Variants in IWS1 observed in about 807,000 individuals in gnomAD.
IWS1 encodes protein IWS1 homolog.
IWS1 carries 27 observed loss-of-function variants against 86.7 expected under a neutral mutation model. The observed-to-expected ratio is 0.31, with a 90% CI of 0.23 to 0.43. The LOEUF is 0.43. Ranked by LOEUF, IWS1 falls within the 20% of genes least tolerant of loss-of-function variation. The probability of loss-of-function intolerance (pLI) is 1.00; values close to 1 mark genes in which losing one functional copy is unlikely to be tolerated. For missense variants in IWS1, 827 were observed against 1,000.8 expected (o/e 0.83, Z 2.34); for synonymous variants, 313 against 335.1 (o/e 0.93, Z 0.72).
chr2:127,483,388 C>G (rs1356302110), intron 13 of IWS1, among the ~76,000 whole-genome samples: 1 of 151,422 alleles, frequency 6.6e-6, no homozygotes. Flanking sequence ...GCTGGGAGGT[C>G]AAGGCCAGAG....
chr2:127,506,435 G>A (rs1244257673), intron 2 of IWS1, among the ~76,000 whole-genome samples: 1 of 152,058 alleles, frequency 6.6e-6, no homozygotes, highest in Non-Finnish European at 1.5e-5. Context: ...ATGTAACCAA[G>A]TTCTTTTACA....
chr2:127,501,412 T>C (rs1253244325), intron 5 of IWS1, among the ~76,000 whole-genome samples: 2 of 152,190 alleles, frequency 1.3e-5, no homozygotes, highest in Non-Finnish European at 2.9e-5. Flanking sequence ...TGTAGTTAGG[T>C]GTAGATTTCT....
At position 127,496,167 on chromosome 2, in the gene IWS1, G is replaced by A. The variant is rs1483849610; in HGVS notation, c.1566-19C>T. ...GTCCATACTAAAGCAGTAAACAAAA[G>A]CAAGTGAAATACAAGTTGTCTTTTA... On this transcript the variant is annotated intron_variant, in intron 6 of 13. Coordinates refer to ENST00000295321, the MANE Select transcript of IWS1 (RefSeq NM_017969.3). 4.4e-6 allele frequency: 7 copies of A among 1,595,120 alleles called. No individual in the cohort carries two copies. The highest frequency in any genetic ancestry group is 6.0e-6 in the Non-Finnish European group (7 of 1,173,644).
In IWS1 at chr2:127,501,126, C is replaced by T. The variant is rs76552474; in HGVS notation, c.1467+1689G>A. Reference sequence around the variant, plus strand: ...CTTTTCTCCCTCCTGCATCTCTAACCTTCCATCTGAGATCATTCTTTCTTG... The same window carrying T: ...CTTTTCTCCCTCCTGCATCTCTAACTTTCCATCTGAGATCATTCTTTCTTG... On this transcript the variant is annotated intron_variant, in intron 5 of 13. Transcript: ENST00000295321. Among the ~76,000 whole-genome samples the T allele has an allele frequency of 9.5e-3, 1,447 of 152,292 alleles. 15 individuals carry two copies. Among genetic ancestry groups the T allele is most frequent in the African/African-American group, 0.033 (1,372 of 41,564 alleles).
intron 9 of IWS1, among the ~76,000 whole-genome samples, chr2:127,492,511 A>G (rs1573513689): frequency 6.6e-6 from 1 of 150,486 alleles, no homozygotes; most frequent in Non-Finnish European, 1.5e-5. Flanking sequence ...GTGCCACTGC[A>G]CTCCAGCCTG....
intron 2 of IWS1, among the ~76,000 whole-genome samples, chr2:127,519,709 A>G (rs1691982001): frequency 6.6e-6 from 1 of 152,176 alleles, no homozygotes; most frequent in Non-Finnish European, 1.5e-5. Flanking sequence ...CATGCAAGGG[A>G]CTGTGCAAAT....
At chr2:127,509,466 T>G (rs962438277) in intron 2 of IWS1, among the ~76,000 whole-genome samples, 1 of 152,146 alleles carries the variant, frequency 6.6e-6, no homozygotes, top group Non-Finnish European at 1.5e-5. Context: ...CCCAGCACTT[T>G]GGGAGGCCGA....
intron 3 of IWS1, among the ~76,000 whole-genome samples, chr2:127,504,218 AT>A (rs1690978607): frequency 6.6e-6 from 1 of 152,226 alleles, no homozygotes; most frequent in South Asian, 2.1e-4. Flanking sequence ...TCTAAATAGA[AT>A]CCTCTCAAAG....
At position 127,486,722 on chromosome 2, in the gene IWS1, T is replaced by C. The variant is rs2105023761; in HGVS notation, c.2217-58A>G. The C allele has an allele frequency of 3.0e-6, 4 of 1,315,300 alleles. No homozygotes were observed. The South Asian group carries it at 3.6e-5, about 12-fold the overall frequency. The allele number at this position is 1,315,300 out of a possible 1,614,324, so 81.5% of individuals were successfully genotyped here. The stretch of plus-strand genomic sequence containing the variant: ...ATGTGGCCAGCCACAGTGGGGCACA[T>C]AGGCCATTTCACACTCCTGTTCCTA... On this transcript the variant is annotated intron_variant, in intron 12 of 13. Coordinates refer to ENST00000295321, the MANE Select transcript of IWS1 (RefSeq NM_017969.3).
chr2:127,487,970 A>T (rs985431463), intron 12 of IWS1: 3 of 152,362 alleles, frequency 2.0e-5, no homozygotes, highest in African/African-American at 7.2e-5. Context: ...CTTCCTAAAC[A>T]AACTTTTCCT....
At chr2:127,493,701 T>G (rs1690354660) in intron 8 of IWS1, among the ~76,000 whole-genome samples, 1 of 151,182 alleles carries the variant, frequency 6.6e-6, no homozygotes, top group Non-Finnish European at 1.5e-5. Context: ...AACAATTAAC[T>G]CCAATCTTTT....
At position 127,502,830 on chromosome 2, in the gene IWS1, C is replaced by A. The variant is rs765434753; in HGVS notation, c.1452G>T (p.Glu484Asp). The A allele has an allele frequency of 7.1e-6, 11 of 1,545,214 alleles. No individual in the cohort carries two copies. The Admixed American group carries it at 1.9e-4, about 26-fold the overall frequency. ...ADIFGESGDE[E>D]EEEFTGFNQE... ...TTATACTTACTGTAAATTCTTCTTCCTCTTCATCACCAGATTCTCCAAATA... is the reference window on the plus strand; with the variant it reads ...TTATACTTACTGTAAATTCTTCTTCATCTTCATCACCAGATTCTCCAAATA... Residue 484 changes from glutamate to aspartate, a missense_variant, in exon 5 of 14, where the codon GAG becomes GAT. By Grantham distance (45) the Glu-to-Asp change is conservative (BLOSUM62 2). Coordinates refer to ENST00000295321, the MANE Select transcript of IWS1 (RefSeq NM_017969.3).
chr2:127,521,675 GA>G lies in IWS1; in HGVS notation c.150+2000del, dbSNP rs766890324. Among the ~76,000 whole-genome samples the G allele has an allele frequency of 1.4e-4, 22 of 152,236 alleles. No individual in the cohort carries two copies. The East Asian group carries it at 1.7e-3, about 12-fold the overall frequency. ...TCTCATGTAATTTACTGAATACAGT[GA>G]AAAAACAGAACGGTTGTATGGGTAC... is the stretch of plus-strand genomic sequence containing the variant. On this transcript the variant is annotated intron_variant, in intron 2 of 13. Transcript: ENST00000295321.
chr2:127,491,996 G>A lies in IWS1; in HGVS notation c.2022C>T (p.Asn674=), dbSNP rs183161151. The A allele has an allele frequency of 1.9e-5, 31 of 1,612,000 alleles. No homozygotes were observed. In the Admixed American group the frequency reaches 5.2e-4, roughly 27 times the overall value. ...LYKHPKESRS[N]KDMAGKLINE... ...TGATTAATTTCCCTGCCATGTCCTT[G>A]TTAGACCTTGACTCCTTGGGGTGTT... The change falls in exon 10 of 14, where the codon AAC becomes AAT. Residue 674 remains asparagine, a synonymous_variant. Coordinates refer to ENST00000295321, the MANE Select transcript of IWS1 (RefSeq NM_017969.3).
At position 127,504,965 on chromosome 2, in the gene IWS1, C is replaced by A; in HGVS notation, c.938G>T (p.Ser313Ile). ...ESEGPQKGPASDSETEDASRH... is the reference protein window; with the variant it reads ...ESEGPQKGPAIDSETEDASRH... ...GGACGCATCCTCAGTTTCTGAGTCA[C>A]TGGCAGGCCCCTTCTGAGGCCCCTC... The change falls in exon 3 of 14, where the codon AGT becomes ATT. Residue 313 changes from serine (S) to isoleucine (I), a missense_variant. Ser to Ile is a moderately radical substitution (Grantham distance 142). This residue lies in a region of IWS1 where 548 missense variants were observed against 560.2 expected (regional missense o/e 0.98). Coordinates refer to ENST00000295321, the MANE Select transcript of IWS1 (RefSeq NM_017969.3). 1 of 1,614,188 alleles carries A rather than the reference C, an allele frequency of 6.2e-7. No individual in the cohort carries two copies. Among genetic ancestry groups the A allele is most frequent in the South Asian group, 1.1e-5 (1 of 91,080 alleles).
In IWS1 at chr2:127,505,862, C is replaced by T. The variant is rs1299374418; in HGVS notation, c.151-110G>A. 2 of 703,136 alleles carry T rather than the reference C, an allele frequency of 2.8e-6. No homozygotes were observed. Among genetic ancestry groups the T allele is most frequent in the South Asian group, 4.3e-5 (2 of 46,234 alleles). The allele number at this position is 703,136 out of a possible 1,614,324, so 43.6% of individuals were successfully genotyped here. A position where few individuals can be genotyped will look rare whatever the true frequency, so the allele number is the denominator to read the frequency against. ...TTTTTAAAATACAGGATTATGTGCA[C>T]CTAAATGGAGAATTCTTGTCCTATA... is the stretch of plus-strand genomic sequence containing the variant. On this transcript the variant is annotated intron_variant, in intron 2 of 13. Coordinates refer to ENST00000295321, the MANE Select transcript of IWS1 (RefSeq NM_017969.3). This position sits in a 1 kb window ranked among gnomAD's most constrained non-coding sequence, Gnocchi z 5.0.
chr2:127,515,709 G>T (rs1245279111), intron 2 of IWS1, among the ~76,000 whole-genome samples: 1 of 152,178 alleles, frequency 6.6e-6, no homozygotes, highest in Non-Finnish European at 1.5e-5. Flanking sequence ...GGCAAATGAA[G>T]AAACGCCTAC....
intron 2 of IWS1, among the ~76,000 whole-genome samples, chr2:127,521,645 G>A (rs1692101249): frequency 6.6e-6 from 1 of 152,196 alleles, no homozygotes; most frequent in South Asian, 2.1e-4. Context: ...ATAGAATGTT[G>A]AGTATCTCAT....
chr2:127,482,598 C>T lies in IWS1; in HGVS notation c.2329-1423G>A, dbSNP rs114303242. 1,205 of 152,586 alleles carry T rather than the reference C, an allele frequency of 7.9e-3. 8 individuals are homozygous for T. Among genetic ancestry groups the T allele is most frequent in the Admixed American group, 0.015 (222 of 15,296 alleles). 9.5% of individuals were successfully genotyped at this position (152,586 alleles called of 1,614,324 possible). Reference sequence around the variant, plus strand: ...CAAATCTCTGCCAACTACACAATTCCCAGCAGCTTCACACATTAACTGGAC... The same window carrying T: ...CAAATCTCTGCCAACTACACAATTCTCAGCAGCTTCACACATTAACTGGAC... On this transcript the variant is annotated intron_variant, in intron 13 of 13. Transcript: ENST00000295321.
Sources: gnomAD v4.1 joint callset for allele counts (sites outside exome capture counted in the v4.1 genomes callset) on GRCh38, gnomAD v4.1.1 for gene constraint, gnomAD v4.1.1 regional missense constraint, Gnocchi (gnomAD v3.1) non-coding constraint, MANE v1.5 for transcripts, NCBI Gene and HGNC (gene_info 2026-07-23, HGNC 2026-07-21) for gene names.